Variants in VPS54 observed in about 807,000 individuals in gnomAD.
VPS54 encodes the protein vacuolar protein sorting-associated protein 54.
VPS54 carries 45 observed loss-of-function variants against 121.5 expected under a neutral mutation model. That is an observed-to-expected ratio of 0.37 (90% CI 0.29 to 0.47). VPS54 has a LOEUF of 0.47. Ranked by LOEUF, VPS54 falls within the 20% of genes least tolerant of loss-of-function variation. The pLI, the probability that VPS54 is intolerant of heterozygous loss-of-function variation, is 0.99. For missense variants in VPS54, 1,090 were observed against 1,131.4 expected (o/e 0.96, Z 0.52); for synonymous variants, 371 against 385.8 (o/e 0.96, Z 0.45).
chr2:63,994,375 A>G (rs1677481677), intron 1 of VPS54, among the ~76,000 whole-genome samples: 2 of 152,078 alleles, frequency 1.3e-5, no homozygotes, highest in South Asian at 4.1e-4. Context: ...GCTACACAAA[A>G]TTATTCTTAT....
At chr2:63,902,010 C>T (rs1441393736) in intron 20 of VPS54, among the ~76,000 whole-genome samples, 3 of 151,972 alleles carry the variant, frequency 2.0e-5, no homozygotes, top group Admixed American at 6.6e-5. Context: ...AGCAAAACTC[C>T]GTCTCAAAAT....
intron 11 of VPS54, among the ~76,000 whole-genome samples, chr2:63,938,495 G>A (rs567847531): frequency 1.3e-4 from 19 of 151,868 alleles, no homozygotes; most frequent in Non-Finnish European, 2.5e-4. Context: ...ACAAACTTTC[G>A]CTCTTGTCAC....
intron 1 of VPS54, among the ~76,000 whole-genome samples, chr2:64,003,563 C>T (rs911788864): frequency 6.6e-6 from 1 of 152,104 alleles, no homozygotes; most frequent in Non-Finnish European, 1.5e-5. Flanking sequence ...TCCTGTCATA[C>T]ATATAATAAA....
chr2:63,966,908 G>A (rs183163153), intron 5 of VPS54, among the ~76,000 whole-genome samples: 20 of 152,222 alleles, frequency 1.3e-4, no homozygotes, highest in Non-Finnish European at 2.5e-4. Flanking sequence ...GCCTTTTCTT[G>A]TACATCTTCC....
At chr2:63,902,123 C>G (rs751330630) in intron 20 of VPS54, among the ~76,000 whole-genome samples, 5 of 152,286 alleles carry the variant, frequency 3.3e-5, no homozygotes, top group Non-Finnish European at 5.9e-5. Context: ...GTATGGGCTC[C>G]ACATTCAAGG....
intron 4 of VPS54, 54 bp from the exon 5 acceptor site, chr2:63,969,045 C>G: frequency 1.4e-6 from 2 of 1,399,732 alleles, no homozygotes. Flanking sequence ...CATTTTAACT[C>G]CGTAAAATAC....
chr2:63,985,757 G>A (rs1303025303), intron 1 of VPS54, among the ~76,000 whole-genome samples: 2 of 151,812 alleles, frequency 1.3e-5, no homozygotes, highest in Non-Finnish European at 1.5e-5. Context: ...ATGCAATAAG[G>A]AGACATCAGA....
chr2:63,895,853 T>C (rs1199796603), intron 22 of VPS54, among the ~76,000 whole-genome samples: 1 of 152,152 alleles, frequency 6.6e-6, no homozygotes, highest in Admixed American at 6.5e-5. Flanking sequence ...AATAGCTATA[T>C]TAAGAAAGAA....
rs1398842959 is a variant in VPS54, at chr2:63,944,666, TAAGAA to T, written c.1246-16_1246-12del. On this transcript the variant is annotated splice_polypyrimidine_tract_variant and intron_variant, in intron 9 of 22. Coordinates refer to ENST00000272322, the MANE Select transcript of VPS54 (RefSeq NM_016516.3). ...TTTATTAATCACACACTGCAAAATTTAAGAAAAAACAAAAACAATTTGATTAATTG... is the reference window on the plus strand; with the variant it reads ...TTTATTAATCACACACTGCAAAATTTAAAACAAAAACAATTTGATTAATTG... 1 of 1,599,070 alleles carries T rather than the reference TAAGAA, an allele frequency of 6.3e-7. No homozygotes were observed. The highest frequency in any genetic ancestry group is 1.3e-5 in the African/African-American group (1 of 74,270).
At chr2:63,947,594 T>C in intron 8 of VPS54, 104 bp from the exon 9 acceptor site, 1 of 977,616 alleles carries the variant, frequency 1.0e-6, no homozygotes, top group Non-Finnish European at 1.4e-6. Context: ...CTCAGATCTC[T>C]ATCCTGCACA....
intron 7 of VPS54, among the ~76,000 whole-genome samples, chr2:63,952,413 A>G (rs1675295408): frequency 6.6e-6 from 1 of 152,198 alleles, no homozygotes; most frequent in Admixed American, 6.5e-5. Flanking sequence ...TTTAAATTTT[A>G]TATTACATTA....
chr2:63,943,348 C>G (rs572349905), intron 10 of VPS54, among the ~76,000 whole-genome samples: 1 of 152,136 alleles, frequency 6.6e-6, no homozygotes, highest in Non-Finnish European at 1.5e-5. Flanking sequence ...TACTACAACA[C>G]TTGATATACA....
At chr2:63,993,598 C>T (rs944006920) in intron 1 of VPS54, among the ~76,000 whole-genome samples, 5 of 152,150 alleles carry the variant, frequency 3.3e-5, no homozygotes, top group Admixed American at 1.3e-4. Context: ...TTAAAATTTC[C>T]GGATTTGATC....
chr2:63,953,112 C>T lies in VPS54; in HGVS notation c.1011-3949G>A, dbSNP rs147073700. ...TTTCTAATCTCACACACACACAACC[C>T]CATGAAATTTTTAATTTTTTTTTTT... On this transcript the variant is annotated intron_variant, in intron 7 of 22. Transcript: ENST00000272322. Among the ~76,000 whole-genome samples, 24 of 151,330 alleles carry T rather than the reference C, an allele frequency of 1.6e-4. No homozygotes were observed. The East Asian group carries it at 4.6e-3, about 29-fold the overall frequency.
In VPS54 at chr2:63,893,378, A is replaced by T. The variant is rs749846914; in HGVS notation, c.*52T>A. 1 of 1,490,860 alleles carries T rather than the reference A, an allele frequency of 6.7e-7. No individual in the cohort carries two copies. Among genetic ancestry groups the T allele is most frequent in the African/African-American group, 1.4e-5 (1 of 72,400 alleles). 92.4% of individuals were successfully genotyped at this position (1,490,860 alleles called of 1,614,324 possible). A position where few individuals can be genotyped will look rare whatever the true frequency, so the allele number is the denominator to read the frequency against. On this transcript the variant is annotated 3_prime_UTR_variant, in exon 23 of 23. Transcript: ENST00000272322. ...AATCACAGGCATCCAGATTTTCTTC[A>T]TAACAAACACATCCCATGGTCAGAT...
At chr2:63,997,891 A>G (rs1323854162) in intron 1 of VPS54, among the ~76,000 whole-genome samples, 2 of 151,878 alleles carry the variant, frequency 1.3e-5, no homozygotes, top group Non-Finnish European at 2.9e-5. Context: ...TTGGTATGTC[A>G]TGTTTCCATT....
At chr2:63,899,698 T>C (rs1246949839) in intron 20 of VPS54, 117 bp from the exon 21 acceptor site, 1 of 793,858 alleles carries the variant, frequency 1.3e-6, no homozygotes, top group East Asian at 2.6e-5. Flanking sequence ...GGCATAGTAC[T>C]TAAGCTTACA....
chr2:63,955,665 C>A (rs1055380866), intron 7 of VPS54, among the ~76,000 whole-genome samples: 1 of 151,990 alleles, frequency 6.6e-6, no homozygotes, highest in African/African-American at 2.4e-5. Flanking sequence ...TAACACCAAA[C>A]AGTACTTATT....
In VPS54 at chr2:63,984,009, T is replaced by C. The variant is rs567456039; in HGVS notation, c.-10A>G. 2.5e-6 allele frequency: 4 copies of C among 1,599,214 alleles called. No homozygotes were observed. The South Asian group carries it at 3.4e-5, about 14-fold the overall frequency. On this transcript the variant is annotated 5_prime_UTR_variant, in exon 2 of 23. Transcript: ENST00000272322. ...TGTGGCTTGAAGCCATTGCATAAAATCACCACTCAACTGAAAATGAGTAAG... is the reference window on the plus strand; with the variant it reads ...TGTGGCTTGAAGCCATTGCATAAAACCACCACTCAACTGAAAATGAGTAAG...
Sources: gnomAD v4.1 joint callset for allele counts (sites outside exome capture counted in the v4.1 genomes callset) on GRCh38, gnomAD v4.1.1 for gene constraint, MANE v1.5 for transcripts, NCBI Gene and HGNC (gene_info 2026-07-23, HGNC 2026-07-21) for gene names.